EPS15: variants seen among roughly 807,000 people sequenced by gnomAD.
EPS15 encodes epidermal growth factor receptor substrate 15.
Under a neutral mutation model 113.8 loss-of-function variants are expected in EPS15, and 72 were observed. That is an observed-to-expected ratio of 0.63 (90% CI 0.52 to 0.77). The LOEUF (loss-of-function observed/expected upper bound fraction) is 0.77, where lower values mean the gene tolerates loss of function less well. Among genes scored for constraint, EPS15 ranks in the 30% least tolerant of loss-of-function variants. The pLI, the probability that EPS15 is intolerant of heterozygous loss-of-function variation, is 0.00. For missense variants in EPS15, 1,048 were observed against 1,045.8 expected (o/e 1.00, Z -0.03); for synonymous variants, 344 against 363.4 (o/e 0.95, Z 0.61).
intron 21 of EPS15, among the ~76,000 whole-genome samples, chr1:51,384,596 C>T (rs1441886434): frequency 6.6e-6 from 1 of 152,018 alleles, no homozygotes; most frequent in African/African-American, 2.4e-5. Context: ...CCTTGACCTC[C>T]CAAAGTGCTG....
intron 1 of EPS15, among the ~76,000 whole-genome samples, chr1:51,487,527 T>C (rs1644147589): frequency 6.6e-6 from 1 of 152,196 alleles, no homozygotes; most frequent in Non-Finnish European, 1.5e-5. Flanking sequence ...AAAAATTATA[T>C]AGTCATCTAC....
chr1:51,454,049 CAAAAAAAAAAAAAAA>C (rs376428827), intron 8 of EPS15, among the ~76,000 whole-genome samples: 8 of 88,214 alleles, frequency 9.1e-5, no homozygotes, highest in Non-Finnish European at 1.6e-4. Context: ...GACTTTGTTT[CAAAAAAAAAAAAAAA>C]AAAAAAAAGG....
At chr1:51,473,986 TC>T (rs1444085549) in intron 2 of EPS15, among the ~76,000 whole-genome samples, 1 of 152,164 alleles carries the variant, frequency 6.6e-6, no homozygotes, top group African/African-American at 2.4e-5. Flanking sequence ...TTTGCCTACT[TC>T]CTGATCAGCA....
At chr1:51,511,990 C>T (rs72674569) in intron 1 of EPS15, among the ~76,000 whole-genome samples, 3,231 of 152,202 alleles carry the variant, frequency 0.021, 54 homozygotes, top group Non-Finnish European at 0.031. Context: ...TTAAAAAGAG[C>T]CCAACTTTTA....
chr1:51,505,673 T>C (rs1216304262), intron 1 of EPS15, among the ~76,000 whole-genome samples: 1 of 152,034 alleles, frequency 6.6e-6, no homozygotes, highest in Admixed American at 6.6e-5. Flanking sequence ...GTGAATTACA[T>C]CTCAATTAAA....
intron 8 of EPS15, among the ~76,000 whole-genome samples, chr1:51,456,588 T>C (rs1001886758): frequency 6.6e-6 from 1 of 152,214 alleles, no homozygotes; most frequent in Non-Finnish European, 1.5e-5. Flanking sequence ...TATTTTATTA[T>C]TTAGGAGGAT....
chr1:51,465,882 A>C (rs532354252), intron 5 of EPS15, among the ~76,000 whole-genome samples: 1 of 151,690 alleles, frequency 6.6e-6, no homozygotes, highest in South Asian at 2.1e-4. Flanking sequence ...TAAAATGTTG[A>C]GTTTAAAAAC....
chr1:51,435,489 C>G (rs543401564), intron 12 of EPS15, among the ~76,000 whole-genome samples: 1 of 152,176 alleles, frequency 6.6e-6, no homozygotes, highest in Non-Finnish European at 1.5e-5. Context: ...CCACTGTGTC[C>G]GGCCTAAAAT....
At chr1:51,501,565 G>C (rs1051346779) in intron 1 of EPS15, among the ~76,000 whole-genome samples, 29 of 151,204 alleles carry the variant, frequency 1.9e-4, no homozygotes, top group Non-Finnish European at 2.9e-4. Flanking sequence ...CTGCAACCTC[G>C]CCTCCCGGGT....
intron 23 of EPS15, 138 bp from the exon 24 acceptor site, chr1:51,361,493 T>TA (rs1199689173): frequency 3.3e-6 from 2 of 599,848 alleles, no homozygotes; most frequent in African/African-American, 1.9e-5. Flanking sequence ...AATATTGTCT[T>TA]AAATAGCTAC....
intron 13 of EPS15, among the ~76,000 whole-genome samples, chr1:51,419,135 T>C (rs1236980813): frequency 6.6e-6 from 1 of 152,136 alleles, no homozygotes; most frequent in Non-Finnish European, 1.5e-5. Context: ...TTAGATAAAA[T>C]GGCTTTTCAC....
At chr1:51,472,970 A>C (rs1256449109) in intron 2 of EPS15, 22 bp from the exon 3 acceptor site, 1 of 1,583,472 alleles carries the variant, frequency 6.3e-7, no homozygotes, top group African/African-American at 1.3e-5. Flanking sequence ...CAAATCCGTA[A>C]GTTGACAACA....
At chr1:51,368,836 CA>C (rs1557771733) in intron 21 of EPS15, among the ~76,000 whole-genome samples, 1 of 152,104 alleles carries the variant, frequency 6.6e-6, no homozygotes, top group Non-Finnish European at 1.5e-5. Context: ...CCTCTGACCT[CA>C]AGCAATCTGC....
At chr1:51,421,757 G>T in intron 13 of EPS15, 29 bp downstream of exon 13, 1 of 1,412,258 alleles carries the variant, frequency 7.1e-7, no homozygotes. Context: ...TAAATCAGCA[G>T]TGGAACACTA....
At chr1:51,385,697 A>T (rs1647049406) in intron 21 of EPS15, among the ~76,000 whole-genome samples, 1 of 152,240 alleles carries the variant, frequency 6.6e-6, no homozygotes, top group Admixed American at 6.5e-5. Flanking sequence ...CAGTATATAC[A>T]TATAATAGAA....
intron 1 of EPS15, among the ~76,000 whole-genome samples, chr1:51,514,616 T>A (rs898270562): frequency 1.3e-5 from 2 of 152,220 alleles, no homozygotes; most frequent in Non-Finnish European, 1.5e-5. Flanking sequence ...TGAACTATGA[T>A]TCGTTGCTAA....
intron 12 of EPS15, among the ~76,000 whole-genome samples, chr1:51,426,690 A>G (rs965303527): frequency 6.6e-6 from 1 of 151,936 alleles, no homozygotes; most frequent in African/African-American, 2.4e-5. Flanking sequence ...AAGGAATTCT[A>G]TCTCAGATTG....
chr1:51,475,547 T>G (rs937471048), intron 2 of EPS15, among the ~76,000 whole-genome samples: 3 of 152,224 alleles, frequency 2.0e-5, no homozygotes, highest in African/African-American at 7.2e-5. Context: ...TCTGGTAAAT[T>G]TGTCTAAGTT....
chr1:51,467,762 T>C (rs1654949554), intron 5 of EPS15, among the ~76,000 whole-genome samples: 1 of 152,054 alleles, frequency 6.6e-6, no homozygotes. Flanking sequence ...ACTGCGCATG[T>C]GAGGGATCTA....
Sources: gnomAD v4.1 joint callset for allele counts (sites outside exome capture counted in the v4.1 genomes callset) on GRCh38, gnomAD v4.1.1 for gene constraint, MANE v1.5 for transcripts, NCBI Gene and HGNC (gene_info 2026-07-23, HGNC 2026-07-21) for gene names.